Variants in GALNTL6 observed in about 807,000 individuals in gnomAD.
GALNTL6 encodes the protein polypeptide N-acetylgalactosaminyltransferase-like 6.
A neutral mutation model predicts 73.7 loss-of-function variants in GALNTL6; 46 were observed. The observed-to-expected ratio is 0.62, with a 90% CI of 0.49 to 0.80. The LOEUF (loss-of-function observed/expected upper bound fraction) is 0.80. Among genes scored for constraint, GALNTL6 ranks in the 30% least tolerant of loss-of-function variants. GALNTL6 has a pLI of 0.00. For missense variants in GALNTL6, 604 were observed against 755.0 expected, an observed-to-expected ratio of 0.80 and a Z score of 2.34; for synonymous variants, 259 against 263.7, an observed-to-expected ratio of 0.98 and a Z score of 0.17.
intron 2 of GALNTL6, among the ~76,000 whole-genome samples, chr4:172,186,594 T>A (rs1462238699): frequency 6.6e-6 from 1 of 152,006 alleles, no homozygotes; most frequent in Non-Finnish European, 1.5e-5. Flanking sequence ...AGAAATGAAG[T>A]ACAGATACAT....
chr4:172,279,637 G>A (rs1319821622), intron 3 of GALNTL6, among the ~76,000 whole-genome samples: 1 of 152,076 alleles, frequency 6.6e-6, no homozygotes, highest in Admixed American at 6.5e-5. Flanking sequence ...GTAAAATGGT[G>A]CAATCACTAG....
chr4:173,017,537 T>C (rs372828111), intron 11 of GALNTL6, among the ~76,000 whole-genome samples: 1 of 152,136 alleles, frequency 6.6e-6, no homozygotes, highest in African/African-American at 2.4e-5. Flanking sequence ...ACATGGCCAC[T>C]GAGATAAGAT....
At chr4:172,995,775 T>TA (rs1751750124) in intron 10 of GALNTL6, among the ~76,000 whole-genome samples, 2 of 152,228 alleles carry the variant, frequency 1.3e-5, no homozygotes, top group African/African-American at 4.8e-5. Flanking sequence ...AATGCCTGCT[T>TA]TCATGTTTCT....
intron 5 of GALNTL6, among the ~76,000 whole-genome samples, chr4:172,377,070 T>G (rs1743058356): frequency 6.6e-6 from 1 of 152,098 alleles, no homozygotes. Flanking sequence ...GGGACCCAAG[T>G]GGGTTGCCAC....
chr4:172,242,662 G>T (rs1327425839), intron 3 of GALNTL6, among the ~76,000 whole-genome samples: 2 of 152,102 alleles, frequency 1.3e-5, no homozygotes, highest in African/African-American at 4.8e-5. Context: ...CATAATGGTA[G>T]GTTTGAATAT....
At chr4:172,300,599 A>G (rs1052875373) in intron 3 of GALNTL6, among the ~76,000 whole-genome samples, 2 of 152,160 alleles carry the variant, frequency 1.3e-5, no homozygotes, top group East Asian at 1.9e-4. Context: ...TTGCTTGTCT[A>G]TAAAGGATTT....
chr4:172,212,189 ACT>A (rs1171843790), intron 2 of GALNTL6, among the ~76,000 whole-genome samples: 1 of 149,828 alleles, frequency 6.7e-6, no homozygotes, highest in Non-Finnish European at 1.5e-5. Flanking sequence ...TTTGACCAAG[ACT>A]CTCTCTGTCA....
At chr4:172,548,897 C>A (rs550379028) in intron 5 of GALNTL6, among the ~76,000 whole-genome samples, 1 of 151,926 alleles carries the variant, frequency 6.6e-6, no homozygotes. Flanking sequence ...CCTTTTAAAA[C>A]AATATTTTAT....
chr4:172,239,553 T>C (rs1199479638), intron 3 of GALNTL6, among the ~76,000 whole-genome samples: 1 of 152,186 alleles, frequency 6.6e-6, no homozygotes, highest in Non-Finnish European at 1.5e-5. Flanking sequence ...CTTTCATTGA[T>C]GTTTTGTATT....
intron 5 of GALNTL6, among the ~76,000 whole-genome samples, chr4:172,747,823 G>C (rs2110766812): frequency 7.3e-6 from 1 of 136,832 alleles, no homozygotes; most frequent in Non-Finnish European, 1.6e-5. Context: ...CAATGGAATT[G>C]TGCTATTCAG....
chr4:172,625,160 G>A (rs1739117417), intron 5 of GALNTL6, among the ~76,000 whole-genome samples: 1 of 151,790 alleles, frequency 6.6e-6, no homozygotes, highest in African/African-American at 2.4e-5. Context: ...AAACTTTCAA[G>A]CACCCTCATC....
intron 5 of GALNTL6, among the ~76,000 whole-genome samples, chr4:172,711,876 C>T (rs1734728667): frequency 6.6e-6 from 1 of 152,094 alleles, no homozygotes; most frequent in Admixed American, 6.6e-5. Context: ...GGCCCTTGGC[C>T]AATCCATCCA....
intron 12 of GALNTL6, among the ~76,000 whole-genome samples, chr4:173,032,437 C>A (rs1228361076): frequency 1.5e-4 from 22 of 147,990 alleles, no homozygotes; most frequent in Non-Finnish European, 2.5e-4. Context: ...GGCGACAGAG[C>A]GAGACTCCGT....
intron 5 of GALNTL6, among the ~76,000 whole-genome samples, chr4:172,469,005 G>C (rs552247416): frequency 6.6e-6 from 1 of 152,262 alleles, no homozygotes; most frequent in East Asian, 1.9e-4. Context: ...TTAATCCTAA[G>C]AATGGCAAGG....
chr4:172,864,680 C>G (rs147556165), intron 7 of GALNTL6, among the ~76,000 whole-genome samples: 91 of 152,164 alleles, frequency 6.0e-4, no homozygotes, highest in Non-Finnish European at 1.1e-3. Context: ...ATTTCCAGAT[C>G]CTTAAAAGAA....
chr4:172,549,853 C>CTGA (rs1288799011), intron 5 of GALNTL6, among the ~76,000 whole-genome samples: 1 of 152,124 alleles, frequency 6.6e-6, no homozygotes, highest in Non-Finnish European at 1.5e-5. Flanking sequence ...GTTAAGAGTT[C>CTGA]AACAAGCATT....
At chr4:172,789,767 C>A (rs1043881148) in intron 5 of GALNTL6, among the ~76,000 whole-genome samples, 2 of 152,136 alleles carry the variant, frequency 1.3e-5, no homozygotes, top group African/African-American at 2.4e-5. Flanking sequence ...GACTTTAGAA[C>A]CAGAATCAGA....
At position 172,927,621 on chromosome 4, in the gene GALNTL6, C is replaced by T. The variant is rs532350971; in HGVS notation, c.1042-3540C>T. Among the ~76,000 whole-genome samples the T allele has an allele frequency of 4.6e-5, 7 of 151,830 alleles. No homozygotes were observed. The South Asian group carries it at 1.1e-3, about 23-fold the overall frequency. On this transcript the variant is annotated intron_variant, in intron 8 of 12. Transcript: ENST00000506823. ...ATTCAGCAGCAAGGGGCTGGAATCA[C>T]GTAGAGGCATCTTTATTCACAGTGC...
chr4:172,710,674 A>G (rs890854173), intron 5 of GALNTL6, among the ~76,000 whole-genome samples: 3 of 152,322 alleles, frequency 2.0e-5, no homozygotes, highest in African/African-American at 7.2e-5. Flanking sequence ...ATTTGCTTCT[A>G]GGAAAATAAT....
Sources: gnomAD v4.1 joint callset for allele counts (sites outside exome capture counted in the v4.1 genomes callset) on GRCh38, gnomAD v4.1.1 for gene constraint, MANE v1.5 for transcripts, NCBI Gene and HGNC (gene_info 2026-07-23, HGNC 2026-07-21) for gene names.